The following PROS1 variants were observed in gnomAD, a reference collection of about 807,000 sequenced individuals.
PROS1 encodes the protein vitamin K-dependent protein S.
In PROS1, 29 loss-of-function variants were observed where a neutral mutation model predicts 75.9. The observed-to-expected ratio is 0.38, with a 90% CI of 0.28 to 0.52. The LOEUF is 0.52. Ranked by LOEUF, PROS1 falls within the 20% of genes least tolerant of loss-of-function variation. The pLI is 0.83. For missense variants in PROS1, 680 were observed against 810.3 expected (o/e 0.84, Z 1.95); for synonymous variants, 245 against 280.6 (o/e 0.87, Z 1.27).
chr3:93,954,603 G>A (rs1255079531), intron 1 of PROS1, among the ~76,000 whole-genome samples: 1 of 152,114 alleles, frequency 6.6e-6, no homozygotes, highest in African/African-American at 2.4e-5. Context: ...TTAAATGTTA[G>A]ACCTAAAACC....
rs8178657 is a variant in PROS1 at position 93,908,932 on chromosome 3, T to C, written c.346+1687A>G. Among the ~76,000 whole-genome samples, 847 of 152,320 alleles carry C rather than the reference T, an allele frequency of 5.6e-3. 5 individuals are homozygous for C. Among genetic ancestry groups the C allele is most frequent in the Non-Finnish European group, 9.6e-3 (655 of 68,026 alleles). ...CTTTTCCTTAGGAGTCACAGTGTTC[T>C]GCTTCCTGTTCTCCAATGTTCAAAA... is the stretch of plus-strand genomic sequence containing the variant. On this transcript the variant is annotated intron_variant, in intron 4 of 14. Transcript: ENST00000394236.
intron 3 of PROS1, among the ~76,000 whole-genome samples, chr3:93,912,457 G>A (rs1708772708): frequency 6.6e-6 from 1 of 152,108 alleles, no homozygotes; most frequent in Admixed American, 6.6e-5. Context: ...TCTGGGGCGG[G>A]GAGGGGCAGG....
chr3:93,959,686 A>G (rs1440131830), intron 1 of PROS1, among the ~76,000 whole-genome samples: 1 of 152,276 alleles, frequency 6.6e-6, no homozygotes, highest in Admixed American at 6.5e-5. Context: ...TTTTTAGTTA[A>G]GTCCCCAGGT....
intron 1 of PROS1, among the ~76,000 whole-genome samples, chr3:93,952,921 C>T (rs1027019835): frequency 1.3e-5 from 2 of 152,152 alleles, no homozygotes; most frequent in South Asian, 4.1e-4. Flanking sequence ...CACAGAAGTA[C>T]TAACTACCAT....
rs117911073 is a variant in PROS1 at position 93,943,407 on chromosome 3, T to C, written c.77-16000A>G. ...TTCTCCTTGTGTCTTCTGTCTAGTT[T>C]CTCAATTCATACAAAACTGTATCCA... On this transcript the variant is annotated intron_variant, in intron 1 of 14. Coordinates refer to ENST00000394236, the MANE Select transcript of PROS1 (RefSeq NM_000313.4). 1.4e-4 allele frequency among the ~76,000 whole-genome samples: 22 copies of C among 152,204 alleles called. No homozygotes were observed. The East Asian group carries it at 4.3e-3, about 30-fold the overall frequency.
intron 6 of PROS1, among the ~76,000 whole-genome samples, chr3:93,903,770 C>G (rs1475395275): frequency 2.0e-5 from 3 of 151,970 alleles, no homozygotes; most frequent in Non-Finnish European, 4.4e-5. Flanking sequence ...CATATGGTAT[C>G]CAGCATTGTG....
intron 1 of PROS1, among the ~76,000 whole-genome samples, chr3:93,938,145 A>G (rs1709218205): frequency 6.6e-6 from 1 of 152,196 alleles, no homozygotes. Context: ...AAGGATCACA[A>G]AAGAAGTGAA....
At chr3:93,940,784 G>A (rs377166397) in intron 1 of PROS1, among the ~76,000 whole-genome samples, 1 of 152,118 alleles carries the variant, frequency 6.6e-6, no homozygotes, top group Admixed American at 6.6e-5. Flanking sequence ...GGGGATTAAA[G>A]CCTGTTATCA....
chr3:93,937,033 A>C (rs1257428425), intron 1 of PROS1, among the ~76,000 whole-genome samples: 1 of 152,238 alleles, frequency 6.6e-6, no homozygotes, highest in Non-Finnish European at 1.5e-5. Flanking sequence ...AACAAGGGAC[A>C]GGAAGAGTTG....
intron 1 of PROS1, among the ~76,000 whole-genome samples, chr3:93,956,785 T>C (rs1398647417): frequency 1.3e-5 from 2 of 152,092 alleles, no homozygotes; most frequent in African/African-American, 4.8e-5. Flanking sequence ...TCTACCTCAC[T>C]AAAAAATCTT....
chr3:93,945,314 G>T (rs1238587100), intron 1 of PROS1, among the ~76,000 whole-genome samples: 1 of 152,140 alleles, frequency 6.6e-6, no homozygotes, highest in Non-Finnish European at 1.5e-5. Flanking sequence ...TATGAGGCCA[G>T]CATCATCCTG....
intron 2 of PROS1, among the ~76,000 whole-genome samples, chr3:93,926,652 A>T (rs1456189674): frequency 6.6e-6 from 1 of 152,218 alleles, no homozygotes; most frequent in Non-Finnish European, 1.5e-5. Flanking sequence ...AATAAAAATA[A>T]ATGCCAATGG....
intron 1 of PROS1, among the ~76,000 whole-genome samples, chr3:93,952,439 C>T (rs1187676719): frequency 2.0e-5 from 3 of 152,094 alleles, no homozygotes; most frequent in Non-Finnish European, 4.4e-5. Context: ...CAAAACCACT[C>T]AACTACATGG....
At chr3:93,914,375 A>T (rs1159434013) in intron 3 of PROS1, among the ~76,000 whole-genome samples, 1 of 152,186 alleles carries the variant, frequency 6.6e-6, no homozygotes, top group Non-Finnish European at 1.5e-5. Context: ...TTTACACCAC[A>T]TGAATGCCAC....
intron 1 of PROS1, among the ~76,000 whole-genome samples, chr3:93,943,234 C>T (rs1001347411): frequency 1.3e-5 from 2 of 152,118 alleles, no homozygotes; most frequent in African/African-American, 2.4e-5. Context: ...CCAAGCTCAG[C>T]CTCCAACTTA....
intron 13 of PROS1, 80 bp downstream of exon 13, chr3:93,879,083 T>C (rs1365305460): frequency 7.4e-7 from 1 of 1,358,730 alleles, no homozygotes; most frequent in African/African-American, 1.5e-5. Context: ...AAAATAGTCC[T>C]TTGAGGTAAA....
Position 93,973,783 on chromosome 3 carries a change from G to A in PROS1, c.-34C>T. ...GCGCGGAGGCGCCGGCAGGGACGGT[G>A]GCGCGTCGCGGCGGGGACCGGAGCG... On this transcript the variant is annotated 5_prime_UTR_variant, in exon 1 of 15. Transcript: ENST00000394236. 6.3e-7 allele frequency: 1 copy of A among 1,579,272 alleles called. No homozygotes were observed. The highest frequency in any genetic ancestry group is 8.6e-7 in the Non-Finnish European group (1 of 1,158,606).
At chr3:93,949,260 G>A (rs1345115413) in intron 1 of PROS1, among the ~76,000 whole-genome samples, 1 of 152,168 alleles carries the variant, frequency 6.6e-6, no homozygotes, top group Non-Finnish European at 1.5e-5. Flanking sequence ...CCGAAACCTG[G>A]ACAGTTAGCT....
intron 7 of PROS1, among the ~76,000 whole-genome samples, chr3:93,898,780 A>C (rs1708541604): frequency 1.3e-5 from 2 of 152,098 alleles, no homozygotes; most frequent in African/African-American, 4.8e-5. Context: ...TACATATTTG[A>C]AACAAAAATT....
Sources: gnomAD v4.1 joint callset for allele counts (sites outside exome capture counted in the v4.1 genomes callset) on GRCh38, gnomAD v4.1.1 for gene constraint, MANE v1.5 for transcripts, NCBI Gene and HGNC (gene_info 2026-07-23, HGNC 2026-07-21) for gene names.